The following AKAP6 variants were observed in gnomAD, a reference collection of about 807,000 sequenced individuals.
AKAP6 encodes the protein A-kinase anchor protein 6.
Under a neutral mutation model 188.5 loss-of-function variants are expected in AKAP6, and 58 were observed. The ratio of observed to expected loss-of-function variants is 0.31; its 90% CI spans 0.25 to 0.38. The LOEUF is 0.38. Ranked by LOEUF, AKAP6 falls within the 10% of genes least tolerant of loss-of-function variation. The pLI is 1.00. For missense variants in AKAP6, 2,710 were observed against 2,740.0 expected, an observed-to-expected ratio of 0.99 and a Z score of 0.24; for synonymous variants, 989 against 998.6, an observed-to-expected ratio of 0.99 and a Z score of 0.18.
chr14:32,424,947 A>G (rs1889981108), intron 1 of AKAP6, among the ~76,000 whole-genome samples: 1 of 152,186 alleles, frequency 6.6e-6, no homozygotes, highest in South Asian at 2.1e-4. Flanking sequence ...TATTGTGAAT[A>G]GTGCTGCAAT....
Position 32,510,429 on chromosome 14 carries a change from T to C in AKAP6, c.325-25125T>C, listed in dbSNP as rs1481928208. ...GTATATATATGTATATATATACATA[T>C]ATATATGTGTATATATATATACATA... On this transcript the variant is annotated intron_variant, in intron 2 of 13. Transcript: ENST00000280979. 5.3e-4 allele frequency among the ~76,000 whole-genome samples: 50 copies of C among 93,888 alleles called. 2 individuals are homozygous for C. The highest frequency in any genetic ancestry group is 2.2e-3 in the African/African-American group (43 of 19,732). 61.6% of individuals were successfully genotyped at this position (93,888 alleles called of 152,430 possible). A position where few individuals can be genotyped will look rare whatever the true frequency, so the allele number is the denominator to read the frequency against.
chr14:32,330,232 A>G (rs118063565), intron 1 of AKAP6, among the ~76,000 whole-genome samples: 2 of 152,212 alleles, frequency 1.3e-5, no homozygotes, highest in East Asian at 3.9e-4. Flanking sequence ...AAATCTGGGT[A>G]TGATGAATAA....
At chr14:32,476,741 T>C (rs1879084844) in intron 2 of AKAP6, among the ~76,000 whole-genome samples, 1 of 152,096 alleles carries the variant, frequency 6.6e-6, no homozygotes, top group Non-Finnish European at 1.5e-5. Context: ...AATACTGACA[T>C]AGGGATTGCT....
intron 2 of AKAP6, among the ~76,000 whole-genome samples, chr14:32,512,126 G>A (rs1881292348): frequency 6.6e-6 from 1 of 152,188 alleles, no homozygotes; most frequent in Non-Finnish European, 1.5e-5. Context: ...GGTGGGATGG[G>A]CATAAGATTT....
Position 32,552,701 on chromosome 14 carries a change from G to A in AKAP6, c.2346+5702G>A, listed in dbSNP as rs1883529219. 2.0e-5 allele frequency among the ~76,000 whole-genome samples: 3 copies of A among 152,240 alleles called. No homozygotes were observed. In the South Asian group the frequency reaches 6.2e-4, roughly 32 times the overall value. ...TATTGAAAACACAATATGAGGCAAA[G>A]GGCAGTAGTTGAAAGTAAAGTCAAA... On this transcript the variant is annotated intron_variant, in intron 4 of 13. Coordinates refer to ENST00000280979, the MANE Select transcript of AKAP6 (RefSeq NM_004274.5).
chr14:32,469,661 A>G (rs563374091), intron 2 of AKAP6, among the ~76,000 whole-genome samples: 9 of 148,294 alleles, frequency 6.1e-5, no homozygotes, highest in Admixed American at 5.3e-4. Flanking sequence ...TTGCCTCGCT[A>G]GTTAAAAGAA....
chr14:32,409,397 G>A (rs1334778122), intron 1 of AKAP6, among the ~76,000 whole-genome samples: 2 of 152,168 alleles, frequency 1.3e-5, no homozygotes, highest in African/African-American at 2.4e-5. Context: ...AGATGAGTTA[G>A]AGAGAAAAAC....
At chr14:32,396,046 G>GTGTA (rs1555325082) in intron 1 of AKAP6, among the ~76,000 whole-genome samples, 1 of 151,520 alleles carries the variant, frequency 6.6e-6, no homozygotes, top group African/African-American at 2.4e-5. Flanking sequence ...GCTATAATGT[G>GTGTA]TATATATATA....
chr14:32,595,349 C>G (rs1204629706), intron 5 of AKAP6, among the ~76,000 whole-genome samples: 1 of 152,100 alleles, frequency 6.6e-6, no homozygotes, highest in Non-Finnish European at 1.5e-5. Flanking sequence ...GCTTGTGGCT[C>G]CCTGCTTCAT....
chr14:32,548,395 C>T (rs1883296349), intron 4 of AKAP6, among the ~76,000 whole-genome samples: 2 of 150,280 alleles, frequency 1.3e-5, no homozygotes, highest in African/African-American at 5.0e-5. Flanking sequence ...AGCCACTGTG[C>T]GTGGCCCATA....
chr14:32,642,440 C>T (rs1409581155), intron 7 of AKAP6, among the ~76,000 whole-genome samples: 1 of 152,168 alleles, frequency 6.6e-6, no homozygotes, highest in East Asian at 1.9e-4. Flanking sequence ...TAATTTCATG[C>T]GTCTCTATTT....
intron 2 of AKAP6, among the ~76,000 whole-genome samples, chr14:32,497,701 TA>T (rs1425703165): frequency 2.0e-5 from 3 of 151,998 alleles, no homozygotes; most frequent in African/African-American, 7.2e-5. Flanking sequence ...TATATATATA[TA>T]TTTTTTTCCA....
intron 4 of AKAP6, among the ~76,000 whole-genome samples, chr14:32,569,594 G>A (rs1312241723): frequency 6.6e-6 from 1 of 152,076 alleles, no homozygotes; most frequent in African/African-American, 2.4e-5. Context: ...TTTGAGTGTT[G>A]TTATGCAAAA....
chr14:32,436,589 C>T (rs1472835920), intron 2 of AKAP6, among the ~76,000 whole-genome samples: 2 of 152,170 alleles, frequency 1.3e-5, no homozygotes, highest in African/African-American at 2.4e-5. Flanking sequence ...AATCTTGCTG[C>T]TTCTTTTACC....
At chr14:32,708,141 A>T (rs1890891104) in intron 9 of AKAP6, among the ~76,000 whole-genome samples, 1 of 152,122 alleles carries the variant, frequency 6.6e-6, no homozygotes, top group Non-Finnish European at 1.5e-5. Flanking sequence ...AAACCTAAAA[A>T]TCAGACAATA....
At chr14:32,462,917 A>AACC (rs1555330717) in intron 2 of AKAP6, among the ~76,000 whole-genome samples, 1 of 74,250 alleles carries the variant, frequency 1.3e-5, no homozygotes, top group South Asian at 4.3e-4. Context: ...AAAAAAAAAA[A>AACC]AAAAAAAAAC....
intron 11 of AKAP6, among the ~76,000 whole-genome samples, chr14:32,759,069 C>T (rs149210466): frequency 1.1e-3 from 160 of 152,174 alleles, no homozygotes; most frequent in African/African-American, 3.4e-3. Context: ...TCAGAGAGGG[C>T]GGAGACATAA....
intron 7 of AKAP6, among the ~76,000 whole-genome samples, chr14:32,625,974 T>C (rs1318665772): frequency 6.6e-6 from 1 of 152,140 alleles, no homozygotes; most frequent in Non-Finnish European, 1.5e-5. Context: ...TGGCAAAATA[T>C]GTGTCTAACT....
chr14:32,456,835 C>T (rs1022641028), intron 2 of AKAP6, among the ~76,000 whole-genome samples: 1 of 152,120 alleles, frequency 6.6e-6, no homozygotes, highest in Non-Finnish European at 1.5e-5. Flanking sequence ...AAGATACTAA[C>T]TTACCCAAGA....
Sources: gnomAD v4.1 joint callset for allele counts (sites outside exome capture counted in the v4.1 genomes callset) on GRCh38, gnomAD v4.1.1 for gene constraint, MANE v1.5 for transcripts, NCBI Gene and HGNC (gene_info 2026-07-23, HGNC 2026-07-21) for gene names.